The following SLC26A3 variants were observed in gnomAD, a reference collection of about 807,000 sequenced individuals.
SLC26A3 encodes solute carrier family 26 member 3.
Under a neutral mutation model 85.6 loss-of-function variants are expected in SLC26A3, and 64 were observed. The ratio of observed to expected loss-of-function variants is 0.75; its 90% confidence interval spans 0.61 to 0.92. The LOEUF (loss-of-function observed/expected upper bound fraction) is 0.92, where lower values mean the gene tolerates loss of function less well. SLC26A3 is among the 40% of genes least tolerant of loss of function. The probability of loss-of-function intolerance (pLI) is 0.00; values close to 1 mark genes in which losing one functional copy is unlikely to be tolerated. For synonymous variants in SLC26A3, 349 were observed against 336.0 expected, an observed-to-expected ratio of 1.04 and a Z score of -0.42; for missense variants, 922 against 927.3, an observed-to-expected ratio of 0.99 and a Z score of 0.07.
Position 107,783,325 on chromosome 7 carries a change from C to T in SLC26A3, c.999G>A (p.Val333=). 1 of 1,614,118 alleles carries T rather than the reference C, an allele frequency of 6.2e-7. No individual in the cohort carries two copies. Among genetic ancestry groups the T allele is most frequent in the South Asian group, 1.1e-5 (1 of 91,082 alleles). The change falls in exon 9 of 21, where the codon GTG becomes GTA. Residue 333 remains valine, a synonymous_variant. Coordinates refer to ENST00000340010, the MANE Select transcript of SLC26A3 (RefSeq NM_000111.3). ...CTCCTACGGTGTTTTGGAAAGTCTC[C>T]ACGTCAGGTGTAATAGGGGGCTGAA... ...PGFQPPITPD[V]ETFQNTVGDC...
At chr7:107,792,392 C>T (rs990102697) in intron 3 of SLC26A3, among the ~76,000 whole-genome samples, 28 of 151,900 alleles carry the variant, frequency 1.8e-4, no homozygotes, top group South Asian at 6.3e-4. Context: ...AGCTTGTTTT[C>T]CTGCAACTAG....
intron 6 of SLC26A3, among the ~76,000 whole-genome samples, chr7:107,789,003 G>A (rs901443995): frequency 6.6e-6 from 1 of 151,264 alleles, no homozygotes; most frequent in Non-Finnish European, 1.5e-5. Flanking sequence ...GGCTGGTCTT[G>A]AACTCCTGGG....
Position 107,765,735 on chromosome 7 carries a change from T to C in SLC26A3, c.*120A>G. 3 of 774,014 alleles carry C rather than the reference T, an allele frequency of 3.9e-6. No homozygotes were observed. Among genetic ancestry groups the C allele is most frequent in the Non-Finnish European group, 6.7e-6 (3 of 444,672 alleles). The allele number at this position is 774,014 out of a possible 1,614,324, so 47.9% of individuals were successfully genotyped here. On this transcript the variant is annotated 3_prime_UTR_variant, in exon 21 of 21. Transcript: ENST00000340010. ...TGCTAGAACCATCTTGTTCCAAAGT[T>C]TGAAACATATTCTGTCAAAAATACT...
At chr7:107,784,688 T>A (rs1794264947) in intron 8 of SLC26A3, among the ~76,000 whole-genome samples, 1 of 152,208 alleles carries the variant, frequency 6.6e-6, no homozygotes, top group African/African-American at 2.4e-5. Context: ...CGCCTCGACC[T>A]CCCAACGTGC....
At chr7:107,793,508 G>A (rs888198286) in intron 3 of SLC26A3, among the ~76,000 whole-genome samples, 12 of 152,148 alleles carry the variant, frequency 7.9e-5, no homozygotes, top group African/African-American at 2.9e-4. Flanking sequence ...GCCATGTATT[G>A]TATTATTTCA....
At chr7:107,785,887 CT>C (rs1449009935) in intron 8 of SLC26A3, among the ~76,000 whole-genome samples, 8 of 152,036 alleles carry the variant, frequency 5.3e-5, no homozygotes, top group African/African-American at 1.7e-4. Context: ...GGAGAGAAGT[CT>C]TTTAAAAAAA....
At chr7:107,801,539 A>T (rs1257412723) in intron 1 of SLC26A3, among the ~76,000 whole-genome samples, 1 of 152,218 alleles carries the variant, frequency 6.6e-6, no homozygotes, top group Non-Finnish European at 1.5e-5. Context: ...AAAGACCTTT[A>T]TTGTAGAGAA....
At chr7:107,783,168 G>A (rs1250194684) in intron 9 of SLC26A3, 37 bp downstream of exon 9, 1 of 1,613,990 alleles carries the variant, frequency 6.2e-7, no homozygotes. Flanking sequence ...ATTATTTAAA[G>A]TTGCCCAGTG....
chr7:107,768,878 CAGAGGGAG>C (rs1793958879), intron 18 of SLC26A3, among the ~76,000 whole-genome samples: 1 of 152,022 alleles, frequency 6.6e-6, no homozygotes, highest in East Asian at 1.9e-4. Flanking sequence ...CTTTCAGTGA[CAGAGGGAG>C]AGGGAGCGTG....
chr7:107,797,759 G>GTTTTTTTTTTTTTTTT (rs1353143332), intron 1 of SLC26A3, among the ~76,000 whole-genome samples: 1 of 56,466 alleles, frequency 1.8e-5, no homozygotes. Context: ...TTGAGACGGA[G>GTTTTTTTTTTTTTTTT]TCTTGCTCTG....
intron 17 of SLC26A3, 99 bp downstream of exon 17, chr7:107,773,821 G>A (rs1794064484): frequency 2.0e-6 from 2 of 1,017,166 alleles, no homozygotes; most frequent in Non-Finnish European, 3.0e-6. Flanking sequence ...AAAGTGCTGG[G>A]ATTACAGGCA....
chr7:107,802,100 A>C (rs1363848045), intron 1 of SLC26A3, among the ~76,000 whole-genome samples: 1 of 151,758 alleles, frequency 6.6e-6, no homozygotes, highest in Non-Finnish European at 1.5e-5. Context: ...TCAGAAAAAA[A>C]AAAAAAAAAA....
At chr7:107,797,847 T>C (rs1319585330) in intron 1 of SLC26A3, among the ~76,000 whole-genome samples, 1 of 151,544 alleles carries the variant, frequency 6.6e-6, no homozygotes, top group Non-Finnish European at 1.5e-5. Context: ...TTAAACTCTT[T>C]TTTCACCTGA....
chr7:107,782,897 A>G, intron 10 of SLC26A3, 23 bp from the exon 11 acceptor site: 1 of 1,613,566 alleles, frequency 6.2e-7, no homozygotes, highest in South Asian at 1.1e-5. Flanking sequence ...AAAAATTATC[A>G]TCACCAACTC....
intron 1 of SLC26A3, among the ~76,000 whole-genome samples, chr7:107,798,317 A>G (rs954419388): frequency 2.0e-5 from 3 of 151,330 alleles, no homozygotes; most frequent in Non-Finnish European, 4.4e-5. Flanking sequence ...AACTATTCCC[A>G]TGTATTAATA....
chr7:107,786,794 G>A, intron 8 of SLC26A3, 33 bp downstream of exon 8: 1 of 1,542,408 alleles, frequency 6.5e-7, no homozygotes, highest in Non-Finnish European at 9.0e-7. Flanking sequence ...TCTGCTTAGT[G>A]CATGGTGATG....
At chr7:107,783,791 T>C (rs1426882799) in intron 8 of SLC26A3, among the ~76,000 whole-genome samples, 1 of 152,224 alleles carries the variant, frequency 6.6e-6, no homozygotes, top group Non-Finnish European at 1.5e-5. Flanking sequence ...CTTCTTTCCA[T>C]TGATAATAAT....
chr7:107,773,819 G>A (rs1402867573), intron 17 of SLC26A3, 101 bp downstream of exon 17: 1 of 1,002,022 alleles, frequency 1.0e-6, no homozygotes, highest in African/African-American at 1.6e-5. Context: ...CCAAAGTGCT[G>A]GGATTACAGG....
rs777491431 is a variant in SLC26A3, at chr7:107,774,011, A to G, written c.1916T>C (p.Ile639Thr). The G allele has an allele frequency of 1.4e-5, 22 of 1,614,100 alleles. No individual in the cohort carries two copies. Among genetic ancestry groups the G allele is most frequent in the African/African-American group, 2.7e-5 (2 of 74,950 alleles). ...GTGGAGGCTGATTTTGGGGACCTCA[A>G]TGTTGAGAGGAAGATCATCATTCCA... Reference protein sequence around the residue: ...IDWNDDLPLNIEVPKISLHSL... With the variant: ...IDWNDDLPLNTEVPKISLHSL... The change falls in exon 17 of 21, where the codon ATT (isoleucine) becomes ACT (threonine). Residue 639 changes from isoleucine to threonine, a missense_variant. Physicochemically the swap from Ile to Thr is moderately conservative, Grantham distance 89. Transcript: ENST00000340010.
Sources: gnomAD v4.1 joint callset for allele counts (sites outside exome capture counted in the v4.1 genomes callset) on GRCh38, gnomAD v4.1.1 for gene constraint, MANE v1.5 for transcripts, NCBI Gene and HGNC (gene_info 2026-07-23, HGNC 2026-07-21) for gene names.